Variants in GALNT13 observed in about 807,000 individuals in gnomAD.
GALNT13 encodes the protein polypeptide N-acetylgalactosaminyltransferase 13.
Under a neutral mutation model 64.2 loss-of-function variants are expected in GALNT13, and 28 were observed. The ratio of observed to expected loss-of-function variants is 0.44; its 90% confidence interval spans 0.32 to 0.60. The LOEUF (loss-of-function observed/expected upper bound fraction) is 0.60. GALNT13 is among the 20% of genes least tolerant of loss of function. The pLI is 0.05. For missense variants in GALNT13, 577 were observed against 669.8 expected (o/e 0.86, Z 1.53); for synonymous variants, 214 against 224.6 (o/e 0.95, Z 0.42).
rs1391871117 is a variant in GALNT13 at position 154,301,399 on chromosome 2, C to T, written c.976-10C>T. The T allele has an allele frequency of 5.6e-6, 9 of 1,607,480 alleles. No homozygotes were observed. The highest frequency in any genetic ancestry group is 6.8e-6 in the Non-Finnish European group (8 of 1,175,486). ...ATTGCATTATTTACAATGATTGTTC[C>T]TTTTCCCAGATTTGGCAATGTGGAG... On this transcript the variant is annotated splice_polypyrimidine_tract_variant and intron_variant, in intron 8 of 12. Transcript: ENST00000392825.
At chr2:153,270,801 G>A in the GALNT13 span, among the ~76,000 whole-genome samples, 1 of 152,236 alleles carries the variant, frequency 6.6e-6, no homozygotes, top group Non-Finnish European at 1.5e-5. Context: ...GCAATGAACT[G>A]AGATGGTGCC....
intron 3 of GALNT13, among the ~76,000 whole-genome samples, chr2:153,995,660 A>G (rs1205104398): frequency 6.6e-6 from 1 of 152,016 alleles, no homozygotes; most frequent in Non-Finnish European, 1.5e-5. Flanking sequence ...ATCCTTGATC[A>G]TTTCTCCGTG....
At chr2:154,159,203 T>C (rs1330960228) in intron 4 of GALNT13, among the ~76,000 whole-genome samples, 1 of 152,068 alleles carries the variant, frequency 6.6e-6, no homozygotes, top group Non-Finnish European at 1.5e-5. Flanking sequence ...GGCACTATCT[T>C]GGCTCACAGC....
the GALNT13 span, among the ~76,000 whole-genome samples, chr2:153,586,244 G>T: frequency 6.6e-6 from 1 of 152,134 alleles, no homozygotes; most frequent in African/African-American, 2.4e-5. Flanking sequence ...TCACTTAAAA[G>T]ATATAAATTG....
At chr2:153,547,732 A>G in the GALNT13 span, among the ~76,000 whole-genome samples, 1 of 152,136 alleles carries the variant, frequency 6.6e-6, no homozygotes, top group Admixed American at 6.6e-5. Context: ...CATGAATTAG[A>G]TTATGAGGAT....
intron 8 of GALNT13, among the ~76,000 whole-genome samples, chr2:154,268,587 C>G: frequency 6.6e-6 from 1 of 151,920 alleles, no homozygotes; most frequent in African/African-American, 2.4e-5. Context: ...GTTAGTTATA[C>G]TTTAATAAAG....
chr2:154,167,149 A>C (rs1685078113), intron 4 of GALNT13, among the ~76,000 whole-genome samples: 1 of 152,184 alleles, frequency 6.6e-6, no homozygotes, highest in Admixed American at 6.6e-5. Flanking sequence ...AATAAAATTA[A>C]AAAGAAAAAT....
chr2:154,376,662 A>G (rs1051272852), intron 9 of GALNT13, among the ~76,000 whole-genome samples: 2 of 152,152 alleles, frequency 1.3e-5, no homozygotes, highest in African/African-American at 2.4e-5. Context: ...ACAGGTTAAT[A>G]GTGTCAACTT....
intron 3 of GALNT13, among the ~76,000 whole-genome samples, chr2:154,134,666 G>C (rs919177262): frequency 6.6e-6 from 1 of 152,100 alleles, no homozygotes; most frequent in African/African-American, 2.4e-5. Context: ...TATTTGGAAA[G>C]GTTTCCACAA....
chr2:153,476,406 T>C, the GALNT13 span, among the ~76,000 whole-genome samples: 23 of 152,240 alleles, frequency 1.5e-4, no homozygotes, highest in Non-Finnish European at 3.2e-4. Context: ...GGATTCTTTA[T>C]AGTCTTGAAA....
chr2:153,259,739 G>C, the GALNT13 span, among the ~76,000 whole-genome samples: 17 of 152,280 alleles, frequency 1.1e-4, no homozygotes, highest in South Asian at 6.2e-4. Context: ...CCATGTGGAA[G>C]TGTGAGTCCA....
At chr2:153,744,206 C>T in the GALNT13 span, among the ~76,000 whole-genome samples, 1 of 152,076 alleles carries the variant, frequency 6.6e-6, no homozygotes, top group South Asian at 2.1e-4. Flanking sequence ...AGTGAGATTG[C>T]TGGATCATAT....
chr2:153,098,941 T>G, the GALNT13 span, among the ~76,000 whole-genome samples: 16 of 152,192 alleles, frequency 1.1e-4, no homozygotes, highest in Non-Finnish European at 2.2e-4. Flanking sequence ...AAAGCATCTC[T>G]TTCAACTCAC....
the GALNT13 span, among the ~76,000 whole-genome samples, chr2:153,147,053 G>C: frequency 6.6e-6 from 1 of 151,834 alleles, no homozygotes; most frequent in Admixed American, 6.6e-5. Flanking sequence ...GAATAGGTTA[G>C]TAGTATCTCA....
At chr2:154,288,396 G>T (rs916421132) in intron 8 of GALNT13, among the ~76,000 whole-genome samples, 1 of 151,986 alleles carries the variant, frequency 6.6e-6, no homozygotes, top group Non-Finnish European at 1.5e-5. Flanking sequence ...AGCCCCTCAT[G>T]TCCTCACATT....
chr2:154,105,570 T>C, intron 3 of GALNT13, among the ~76,000 whole-genome samples: 1 of 152,184 alleles, frequency 6.6e-6, no homozygotes, highest in Admixed American at 6.6e-5. Flanking sequence ...AAGTACACTC[T>C]ATGATGTTCC....
the GALNT13 span, among the ~76,000 whole-genome samples, chr2:153,125,846 A>G: frequency 2.6e-5 from 4 of 152,172 alleles, no homozygotes; most frequent in Admixed American, 2.0e-4. Context: ...ATTTACATAG[A>G]TAATTTACAT....
intron 3 of GALNT13, among the ~76,000 whole-genome samples, chr2:154,089,828 G>A (rs1384284953): frequency 9.3e-6 from 1 of 107,632 alleles, no homozygotes. Context: ...TTTTTTTTTT[G>A]GTATAACCTT....
At chr2:154,211,053 C>G (rs1687731372) in intron 4 of GALNT13, among the ~76,000 whole-genome samples, 1 of 152,066 alleles carries the variant, frequency 6.6e-6, no homozygotes, top group Non-Finnish European at 1.5e-5. Context: ...GTGGATATAT[C>G]TAATAGTTCA....
Sources: allele counts gnomAD v4.1 joint callset (sites outside exome capture counted in the v4.1 genomes callset), GRCh38; gene constraint gnomAD v4.1.1; transcripts MANE v1.5; gene names NCBI Gene and HGNC (gene_info 2026-07-23, HGNC 2026-07-21).